The following PRTG variants were observed in gnomAD, a reference collection of about 807,000 sequenced individuals.
PRTG encodes the protein protogenin, also known as immunoglobulin superfamily, DCC subclass, member 5.
PRTG carries 67 observed loss-of-function variants against 122.5 expected under a neutral mutation model. The ratio of observed to expected loss-of-function variants is 0.55; its 90% CI spans 0.45 to 0.67. The LOEUF (loss-of-function observed/expected upper bound fraction) is 0.67, where lower values mean the gene tolerates loss of function less well. Ranked by LOEUF, PRTG falls within the 30% of genes least tolerant of loss-of-function variation. The pLI is 0.00. For synonymous variants in PRTG, 554 were observed against 501.1 expected, an observed-to-expected ratio of 1.11 and a Z score of -1.41; for missense variants, 1,435 against 1,415.4, an observed-to-expected ratio of 1.01 and a Z score of -0.22.
intron 11 of PRTG, among the ~76,000 whole-genome samples, chr15:55,659,700 C>G (rs899540419): frequency 6.6e-6 from 1 of 151,990 alleles, no homozygotes; most frequent in East Asian, 1.9e-4. Context: ...CCGAGGCGGA[C>G]GGACTGCCTG....
chr15:55,680,632 TG>T lies in PRTG; in HGVS notation c.677-5del. The T allele has an allele frequency of 6.7e-7, 1 of 1,499,258 alleles. No individual in the cohort carries two copies. Among genetic ancestry groups the T allele is most frequent in the Admixed American group, 2.0e-5 (1 of 49,700 alleles). 92.9% of individuals were successfully genotyped at this position (1,499,258 alleles called of 1,614,324 possible). A position where few individuals can be genotyped will look rare whatever the true frequency, so the allele number is the denominator to read the frequency against. The stretch of plus-strand genomic sequence containing the variant: ...TGGAAGGATTTTGACTCCTTAGCTT[TG>T]GGGAGGAAAAGACAGAATATAAAAA... On this transcript the variant is annotated splice_polypyrimidine_tract_variant and splice_region_variant and intron_variant, in intron 4 of 19. Transcript: ENST00000389286.
chr15:55,629,375 ATGTGTGTGTGTGTGTGTGTGTGTGTG>A (rs59080250), intron 15 of PRTG, among the ~76,000 whole-genome samples: 3 of 47,938 alleles, frequency 6.3e-5, no homozygotes, highest in Non-Finnish European at 1.3e-4. Flanking sequence ...ATATATATAT[ATGTGTGTGTGTGTGTGTGTGTGTGTG>A]TGTGTGTGTG....
At chr15:55,736,339 C>A (rs2031411547) in intron 2 of PRTG, among the ~76,000 whole-genome samples, 1 of 151,768 alleles carries the variant, frequency 6.6e-6, no homozygotes, top group South Asian at 2.1e-4. Flanking sequence ...CATATAGTCT[C>A]ACAGTTCTTA....
intron 11 of PRTG, among the ~76,000 whole-genome samples, chr15:55,646,008 A>T (rs777711017): frequency 8.6e-5 from 13 of 151,878 alleles, no homozygotes; most frequent in South Asian, 4.2e-4. Context: ...TTTATTATTT[A>T]TTATTTTTTA....
At chr15:55,620,610 A>G (rs2059160758) in intron 19 of PRTG, 53 bp downstream of exon 19, 2 of 1,540,016 alleles carry the variant, frequency 1.3e-6, no homozygotes, top group East Asian at 2.3e-5. Context: ...TTTTTAAATC[A>G]TCATTTCATA....
At chr15:55,626,882 A>T in intron 17 of PRTG, 126 bp downstream of exon 17, 1 of 733,606 alleles carries the variant, frequency 1.4e-6, no homozygotes, top group Non-Finnish European at 2.1e-6. Flanking sequence ...AGGGAACAAT[A>T]CTGCACATTT....
At chr15:55,730,781 C>CA (rs1227510499) in intron 2 of PRTG, among the ~76,000 whole-genome samples, 1 of 152,122 alleles carries the variant, frequency 6.6e-6, no homozygotes, top group East Asian at 1.9e-4. Flanking sequence ...ACCTGGGCAA[C>CA]AGAGAGCAAG....
chr15:55,662,484 C>T (rs1041468616), intron 11 of PRTG, among the ~76,000 whole-genome samples: 1 of 152,098 alleles, frequency 6.6e-6, no homozygotes, highest in Non-Finnish European at 1.5e-5. Context: ...TATATTTTTC[C>T]CATAATATGG....
At chr15:55,631,899 T>G (rs1266900040) in intron 15 of PRTG, among the ~76,000 whole-genome samples, 1 of 152,216 alleles carries the variant, frequency 6.6e-6, no homozygotes, top group African/African-American at 2.4e-5. Flanking sequence ...CCGACTCCTC[T>G]TCTTCCTCTT....
At chr15:55,635,156 G>C (rs1047026525) in intron 15 of PRTG, among the ~76,000 whole-genome samples, 1 of 151,710 alleles carries the variant, frequency 6.6e-6, no homozygotes, top group African/African-American at 2.4e-5. Flanking sequence ...CTGTGGCACA[G>C]TCTCAGCTCA....
intron 2 of PRTG, among the ~76,000 whole-genome samples, chr15:55,700,584 C>T (rs1412551607): frequency 6.6e-6 from 1 of 151,922 alleles, no homozygotes; most frequent in African/African-American, 2.4e-5. Flanking sequence ...GAGTTGGAGA[C>T]CAGCCTGGCC....
At chr15:55,639,862 A>T (rs1412379299) in intron 12 of PRTG, 34 bp from the exon 13 acceptor site, 2 of 1,607,230 alleles carry the variant, frequency 1.2e-6, no homozygotes, top group South Asian at 1.1e-5. Flanking sequence ...TTACGATACG[A>T]CATAACATTT....
chr15:55,634,099 C>T (rs1201534964), intron 15 of PRTG, among the ~76,000 whole-genome samples: 1 of 118,450 alleles, frequency 8.4e-6, no homozygotes, highest in Non-Finnish European at 1.6e-5. Context: ...TGGTGTTTCA[C>T]TCTTGTTGAC....
At chr15:55,638,891 T>A (rs931733342) in intron 13 of PRTG, among the ~76,000 whole-genome samples, 1 of 152,204 alleles carries the variant, frequency 6.6e-6, no homozygotes, top group Admixed American at 6.5e-5. Context: ...TAGTTGCCTC[T>A]CTTTGACAGT....
intron 18 of PRTG, among the ~76,000 whole-genome samples, chr15:55,621,349 T>C (rs1341431074): frequency 6.6e-6 from 1 of 151,074 alleles, no homozygotes; most frequent in Non-Finnish European, 1.5e-5. Context: ...AGGCTCCGTC[T>C]CAAAAAAAAC....
In PRTG at chr15:55,624,393, A is replaced by G. The variant is rs2059183047; in HGVS notation, c.3042T>C (p.Asn1014=). The change falls in exon 18 of 20, where the codon AAT becomes AAC. Residue 1014 remains asparagine (N), a synonymous_variant. Transcript: ENST00000389286. ...VGKNLEGAVG[N]EESLMPMIMP... ...TGATCATTGGCATTAAAGATTCTTC[A>G]TTTCCTACAGCTCCTTCCAGGTTCT... 1 of 1,613,974 alleles carries G rather than the reference A, an allele frequency of 6.2e-7. No individual in the cohort carries two copies. Among genetic ancestry groups the G allele is most frequent in the Admixed American group, 1.7e-5 (1 of 59,994 alleles).
intron 2 of PRTG, among the ~76,000 whole-genome samples, chr15:55,685,866 G>C (rs1270091269): frequency 6.6e-6 from 1 of 152,146 alleles, no homozygotes; most frequent in East Asian, 1.9e-4. Flanking sequence ...AATCTATGTT[G>C]CTGATCAATT....
intron 2 of PRTG, among the ~76,000 whole-genome samples, chr15:55,695,605 G>A (rs1375120501): frequency 1.3e-5 from 2 of 152,188 alleles, no homozygotes; most frequent in East Asian, 1.9e-4. Flanking sequence ...GCAGAAGCAC[G>A]TTCCAGAGGC....
intron 11 of PRTG, among the ~76,000 whole-genome samples, chr15:55,672,194 A>T (rs2059475772): frequency 1.3e-5 from 2 of 152,198 alleles, no homozygotes; most frequent in Admixed American, 1.3e-4. Context: ...CGCCACAAAG[A>T]AAAGCAGATT....
Sources: gnomAD v4.1 joint callset for allele counts (sites outside exome capture counted in the v4.1 genomes callset) on GRCh38, gnomAD v4.1.1 for gene constraint, MANE v1.5 for transcripts, NCBI Gene and HGNC (gene_info 2026-07-23, HGNC 2026-07-21) for gene names.